Variants in PXDNL observed in about 807,000 individuals in gnomAD.
PXDNL encodes peroxidasin like.
Under a neutral mutation model 150.8 loss-of-function variants are expected in PXDNL, and 145 were observed. The observed-to-expected ratio is 0.96, with a 90% CI of 0.84 to 1.10. The LOEUF is 1.10. Among genes scored for constraint, PXDNL ranks in the 50% least tolerant of loss-of-function variants. PXDNL has a pLI of 0.00. For missense variants in PXDNL, 2,087 were observed against 1,873.9 expected, an observed-to-expected ratio of 1.11 and a Z score of -2.10; for synonymous variants, 757 against 725.7, an observed-to-expected ratio of 1.04 and a Z score of -0.69.
intron 2 of PXDNL, among the ~76,000 whole-genome samples, chr8:51,629,158 T>G (rs1437350599): frequency 6.6e-6 from 1 of 151,476 alleles, no homozygotes; most frequent in Non-Finnish European, 1.5e-5. Context: ...TGGAGAACAA[T>G]GTATGAACAA....
chr8:51,374,847 T>C, intron 17 of PXDNL, 116 bp from the exon 18 acceptor site: 1 of 1,206,368 alleles, frequency 8.3e-7, no homozygotes, highest in Non-Finnish European at 1.2e-6. Flanking sequence ...GAAAAGTAGA[T>C]ATGATTACTG....
chr8:51,644,333 T>TAC lies in PXDNL; in HGVS notation c.236+10355_236+10356insGT, dbSNP rs1362810682. Among the ~76,000 whole-genome samples, 15 of 52,572 alleles carry TAC rather than the reference T, an allele frequency of 2.9e-4. 1 individual carries two copies. Among genetic ancestry groups the TAC allele is most frequent in the African/African-American group, 5.4e-4 (13 of 23,916 alleles). 34.5% of individuals were successfully genotyped at this position (52,572 alleles called of 152,430 possible). A position where few individuals can be genotyped will look rare whatever the true frequency, so the allele number is the denominator to read the frequency against. ...AGGCACATTTTTACATATATATATA[T>TAC]ATATACACACACACACACACACACA... On this transcript the variant is annotated intron_variant, in intron 2 of 22. Transcript: ENST00000356297.
chr8:51,535,397 C>T (rs1229940530), intron 4 of PXDNL, among the ~76,000 whole-genome samples: 2 of 99,892 alleles, frequency 2.0e-5, no homozygotes, highest in Non-Finnish European at 3.7e-5. Context: ...GCCTTGGGAT[C>T]CTGTTGATCT....
rs752445515 is a variant in PXDNL at position 51,409,237 on chromosome 8, T to C, written c.2387A>G (p.Asp796Gly). 21 of 1,531,840 alleles carry C rather than the reference T, an allele frequency of 1.4e-5. No individual in the cohort carries two copies. Among genetic ancestry groups the C allele is most frequent in the African/African-American group, 1.1e-4 (8 of 72,314 alleles). The allele number at this position is 1,531,840 out of a possible 1,614,324, so 94.9% of individuals were successfully genotyped here. ...CATGAGCATGCGCGTGTAGCTGTGG[T>C]CGGGGGTGACGGCCGCCGCGCGCGC... ...VWARAAAVTP[D>G]HSYTRMLMHW... Residue 796 changes from aspartate to glycine, a missense_variant, in exon 17 of 23, where the codon GAC becomes GGC. Transcript: ENST00000356297.
chr8:51,414,503 T>TA (rs1182738928), intron 14 of PXDNL, among the ~76,000 whole-genome samples: 1 of 149,950 alleles, frequency 6.7e-6, no homozygotes, highest in African/African-American at 2.5e-5. Context: ...CAATTCTGAG[T>TA]AAGTAGGGTG....
chr8:51,783,368 T>C (rs2037433268), intron 1 of PXDNL, among the ~76,000 whole-genome samples: 1 of 152,204 alleles, frequency 6.6e-6, no homozygotes, highest in Non-Finnish European at 1.5e-5. Context: ...ACGTAATGCC[T>C]TCACTAATAG....
chr8:51,716,403 T>C (rs989378576), intron 1 of PXDNL, among the ~76,000 whole-genome samples: 4 of 151,792 alleles, frequency 2.6e-5, no homozygotes, highest in African/African-American at 7.3e-5. Context: ...TCCCTCTTGC[T>C]GATTCCATGG....
Position 51,626,245 on chromosome 8 carries a change from A to C in PXDNL, c.236+28444T>G, listed in dbSNP as rs191211754. On this transcript the variant is annotated intron_variant, in intron 2 of 22. Coordinates refer to ENST00000356297, the MANE Select transcript of PXDNL (RefSeq NM_144651.5). ...TCTGCCTACTTACCTGTCTATGTCTACCTGACTACTCATCTATACAACTAC... is the reference window on the plus strand; with the variant it reads ...TCTGCCTACTTACCTGTCTATGTCTCCCTGACTACTCATCTATACAACTAC... Among the ~76,000 whole-genome samples, 75 of 152,296 alleles carry C rather than the reference A, an allele frequency of 4.9e-4. 1 individual carries two copies. Among genetic ancestry groups the C allele is most frequent in the Admixed American group, 4.3e-3 (66 of 15,292 alleles).
At chr8:51,780,738 C>T (rs1212826500) in intron 1 of PXDNL, among the ~76,000 whole-genome samples, 1 of 138,230 alleles carries the variant, frequency 7.2e-6, no homozygotes, top group Non-Finnish European at 1.5e-5. Context: ...CAGCTCATTG[C>T]AACCTCCGTC....
At chr8:51,741,439 C>CTT in intron 1 of PXDNL, among the ~76,000 whole-genome samples, 1 of 152,138 alleles carries the variant, frequency 6.6e-6, no homozygotes. Context: ...CCTTCTTTGT[C>CTT]TTTTTTATCT....
chr8:51,793,472 G>A (rs746478599), intron 1 of PXDNL, among the ~76,000 whole-genome samples: 3 of 152,178 alleles, frequency 2.0e-5, no homozygotes, highest in Non-Finnish European at 2.9e-5. Flanking sequence ...AGGGCACAGC[G>A]CTGAGCAGAG....
rs11367980 is a variant in PXDNL, at chr8:51,520,801, C to CA, written c.381-21032dup. Among the ~76,000 whole-genome samples, 335 of 148,516 alleles carry CA rather than the reference C, an allele frequency of 2.3e-3. 1 individual carries two copies. The highest frequency in any genetic ancestry group is 7.2e-3 in the African/African-American group (293 of 40,800). On this transcript the variant is annotated intron_variant, in intron 4 of 22. Transcript: ENST00000356297. ...TTGCTCAACACTCCTGGCCCTCGAA[C>CA]AAAAAAAAAACTTAGAGGCATACCA...
chr8:51,613,485 G>A (rs1289329568), intron 2 of PXDNL, among the ~76,000 whole-genome samples: 5 of 60,278 alleles, frequency 8.3e-5, no homozygotes, highest in East Asian at 5.4e-4. Context: ...TTAAGGGGGC[G>A]GGGGGGGGGC....
chr8:51,683,278 G>A (rs1232599781), intron 1 of PXDNL, among the ~76,000 whole-genome samples: 1 of 144,704 alleles, frequency 6.9e-6, no homozygotes, highest in Non-Finnish European at 1.5e-5. Flanking sequence ...TATCAATTGA[G>A]GCGATACCTC....
chr8:51,677,114 C>G (rs1178875329), intron 1 of PXDNL, among the ~76,000 whole-genome samples: 2 of 152,194 alleles, frequency 1.3e-5, no homozygotes, highest in African/African-American at 4.8e-5. Context: ...TGCTTTGTTT[C>G]TAATTACTTT....
At chr8:51,470,780 A>G (rs550390864) in intron 8 of PXDNL, among the ~76,000 whole-genome samples, 34 of 152,310 alleles carry the variant, frequency 2.2e-4, no homozygotes, top group African/African-American at 7.7e-4. Flanking sequence ...CTGGCTAGCC[A>G]TATTCAGAAA....
intron 12 of PXDNL, among the ~76,000 whole-genome samples, chr8:51,442,472 A>G (rs1809573726): frequency 6.6e-6 from 1 of 151,854 alleles, no homozygotes; most frequent in African/African-American, 2.4e-5. Context: ...TCATTTATTG[A>G]TTAAGCAAGA....
At chr8:51,710,449 G>A (rs1816473014) in intron 1 of PXDNL, among the ~76,000 whole-genome samples, 1 of 152,154 alleles carries the variant, frequency 6.6e-6, no homozygotes, top group African/African-American at 2.4e-5. Context: ...TTTGGGGGGT[G>A]AGGACATTTA....
intron 1 of PXDNL, among the ~76,000 whole-genome samples, chr8:51,734,442 G>T (rs1199895339): frequency 6.6e-6 from 1 of 152,200 alleles, no homozygotes; most frequent in Non-Finnish European, 1.5e-5. Flanking sequence ...GGTTGTGATA[G>T]TTGGGTTCTG....
Sources: allele counts gnomAD v4.1 joint callset (sites outside exome capture counted in the v4.1 genomes callset), GRCh38; gene constraint gnomAD v4.1.1; transcripts MANE v1.5; gene names NCBI Gene and HGNC (gene_info 2026-07-23, HGNC 2026-07-21).